Variants in RIPOR3 observed in about 807,000 individuals in gnomAD.
The protein encoded by RIPOR3 is RIPOR family member 3.
A neutral mutation model predicts 114.3 loss-of-function variants in RIPOR3; 95 were observed. That is an observed-to-expected ratio of 0.83 (90% CI 0.70 to 0.99). The LOEUF (loss-of-function observed/expected upper bound fraction) is 0.99, where lower values mean the gene tolerates loss of function less well. Among genes scored for constraint, RIPOR3 ranks in the 50% least tolerant of loss-of-function variants. The probability of loss-of-function intolerance (pLI) is 0.00; values close to 1 mark genes in which losing one functional copy is unlikely to be tolerated. For synonymous variants in RIPOR3, 575 were observed against 543.8 expected (o/e 1.06, Z -0.80); for missense variants, 1,252 against 1,266.9 (o/e 0.99, Z 0.18).
Position 50,597,599 on chromosome 20 carries a change from C to G in RIPOR3, c.1771G>C (p.Gly591Arg), listed in dbSNP as rs1568827679. The change falls in exon 14 of 22, where the codon GGG becomes CGG. Residue 591 changes from glycine (G) to arginine (R), a missense_variant. By Grantham distance (125) the Gly-to-Arg change is moderately radical. Coordinates refer to ENST00000327979, the MANE Select transcript of RIPOR3 (RefSeq NM_001290268.2). ...ACTCACCGGAGACCCTGGGAGCCCCCAAACAGGGACAGCTCATCCAGGGCG... is the reference window on the plus strand; with the variant it reads ...ACTCACCGGAGACCCTGGGAGCCCCGAAACAGGGACAGCTCATCCAGGGCG... ...DFALDELSLFGGSQGLRKDRP... is the reference protein window; with the variant it reads ...DFALDELSLFRGSQGLRKDRP... The G allele has an allele frequency of 6.2e-7, 1 of 1,608,384 alleles. No homozygotes were observed. Among genetic ancestry groups the G allele is most frequent in the Admixed American group, 1.7e-5 (1 of 59,324 alleles).
chr20:50,604,483 A>C (rs913654945), intron 12 of RIPOR3, among the ~76,000 whole-genome samples, 162 bp downstream of exon 12: 1 of 152,224 alleles, frequency 6.6e-6, no homozygotes, highest in Non-Finnish European at 1.5e-5. Flanking sequence ...GGCTGGCAGC[A>C]GAGGAAGAAA....
intron 1 of RIPOR3, among the ~76,000 whole-genome samples, chr20:50,636,401 T>C (rs2084987726): frequency 6.6e-6 from 1 of 152,148 alleles, no homozygotes; most frequent in Non-Finnish European, 1.5e-5. Flanking sequence ...ACCCTTTAGC[T>C]ACTGGATTGT....
intron 1 of RIPOR3, among the ~76,000 whole-genome samples, chr20:50,681,275 G>GAAAAAAAAAAAA (rs34596961): frequency 8.1e-5 from 11 of 135,122 alleles, no homozygotes; most frequent in African/African-American, 3.1e-4. Context: ...TAAGGCACTA[G>GAAAAAAAAAAAA]AAAAAAAAAA....
At chr20:50,664,833 G>A (rs2123475043) in intron 1 of RIPOR3, among the ~76,000 whole-genome samples, 1 of 152,320 alleles carries the variant, frequency 6.6e-6, no homozygotes, top group East Asian at 1.9e-4. Context: ...TGGGCACGGT[G>A]GCTCACACCT....
chr20:50,620,512 A>G (rs2084358471), intron 2 of RIPOR3, among the ~76,000 whole-genome samples: 1 of 152,076 alleles, frequency 6.6e-6, no homozygotes, highest in African/African-American at 2.4e-5. Flanking sequence ...CTGTAATCCC[A>G]CTTACTCCGG....
At chr20:50,607,097 A>T (rs2083750942) in intron 11 of RIPOR3, among the ~76,000 whole-genome samples, 1 of 152,066 alleles carries the variant, frequency 6.6e-6, no homozygotes, top group Admixed American at 6.6e-5. Flanking sequence ...CCTTTTCTGC[A>T]TTTTGTTCAA....
At chr20:50,650,848 T>G (rs1268692376) in intron 1 of RIPOR3, among the ~76,000 whole-genome samples, 2 of 152,180 alleles carry the variant, frequency 1.3e-5, no homozygotes, top group Non-Finnish European at 2.9e-5. Flanking sequence ...TCCACCCCTT[T>G]GATTGTGGGC....
Position 50,623,994 on chromosome 20 carries a change from G to A in RIPOR3, c.123-3862C>T, listed in dbSNP as rs527266664. On this transcript the variant is annotated intron_variant, in intron 2 of 21. Transcript: ENST00000327979. ...TGGGATTACAGGCATCTGCTACCAC[G>A]TCCAGTAATTTTTGTTTTTTTTAGT... Among the ~76,000 whole-genome samples the A allele has an allele frequency of 1.5e-3, 233 of 150,644 alleles. 1 individual carries two copies. The highest frequency in any genetic ancestry group is 1.8e-3 in the Non-Finnish European group (125 of 67,664).
chr20:50,646,668 G>C (rs2085410071), intron 1 of RIPOR3, among the ~76,000 whole-genome samples: 2 of 152,162 alleles, frequency 1.3e-5, no homozygotes, highest in Non-Finnish European at 2.9e-5. Context: ...CATTCCTGAT[G>C]CTCAGAGTGG....
chr20:50,620,309 G>C (rs1600594596), intron 2 of RIPOR3, among the ~76,000 whole-genome samples, 177 bp from the exon 3 acceptor site: 1 of 152,070 alleles, frequency 6.6e-6, no homozygotes, highest in South Asian at 2.1e-4. Flanking sequence ...AGCCTCTCTG[G>C]GTCTCTGCTT....
chr20:50,630,725 G>C lies in RIPOR3; in HGVS notation c.122+13C>G. 1 of 1,592,544 alleles carries C rather than the reference G, an allele frequency of 6.3e-7. No homozygotes were observed. Among genetic ancestry groups the C allele is most frequent in the Non-Finnish European group, 8.6e-7 (1 of 1,168,386 alleles). The stretch of plus-strand genomic sequence containing the variant: ...ACCCCTGCACCCCGAAACAGGACAC[G>C]GGGGGAACTTACGCGATCCTCCGGC... On this transcript the variant is annotated intron_variant, in intron 2 of 21. Transcript: ENST00000327979.
chr20:50,623,121 C>T (rs6091184), intron 2 of RIPOR3, among the ~76,000 whole-genome samples: 23,643 of 151,724 alleles, frequency 0.16, 3,597 homozygotes, highest in African/African-American at 0.4. Context: ...ATTAGCCAGG[C>T]GTGGTGGTGG....
At chr20:50,597,810 G>T in intron 13 of RIPOR3, 100 bp from the exon 14 acceptor site, 1 of 1,481,692 alleles carries the variant, frequency 6.7e-7, no homozygotes, top group Non-Finnish European at 9.0e-7. Context: ...CAATGTCCCG[G>T]TCCCAAGCCC....
chr20:50,640,573 C>A (rs1403513868), intron 1 of RIPOR3, among the ~76,000 whole-genome samples: 3 of 149,928 alleles, frequency 2.0e-5, no homozygotes, highest in Non-Finnish European at 4.4e-5. Context: ...CGGCCAACCA[C>A]TGGTCACTGG....
chr20:50,687,933 T>G (rs6067511), intron 1 of RIPOR3, among the ~76,000 whole-genome samples: 122,795 of 151,786 alleles, frequency 0.81, 50,668 homozygotes, highest in East Asian at 0.96. Flanking sequence ...TTGATGTAAA[T>G]GATGTGCAGC....
chr20:50,657,033 G>T lies in RIPOR3; in HGVS notation c.4-26177C>A, dbSNP rs182013152. On this transcript the variant is annotated intron_variant, in intron 1 of 21. Coordinates refer to ENST00000327979, the MANE Select transcript of RIPOR3 (RefSeq NM_001290268.2). ...TAGTATGATCACTTCCAAGAGCCTTGATATACCATACTTAGCACTGCAAGT... is the reference window on the plus strand; with the variant it reads ...TAGTATGATCACTTCCAAGAGCCTTTATATACCATACTTAGCACTGCAAGT... 1.1e-4 allele frequency among the ~76,000 whole-genome samples: 16 copies of T among 152,308 alleles called. No homozygotes were observed. In the East Asian group the frequency reaches 2.9e-3, roughly 28 times the overall value.
At chr20:50,601,058 C>T (rs980886440) in intron 13 of RIPOR3, among the ~76,000 whole-genome samples, 1 of 152,150 alleles carries the variant, frequency 6.6e-6, no homozygotes, top group African/African-American at 2.4e-5. Context: ...AGTGCACAGC[C>T]AGTCTGAGGG....
At chr20:50,666,590 C>T (rs910114214) in intron 1 of RIPOR3, among the ~76,000 whole-genome samples, 2 of 150,238 alleles carry the variant, frequency 1.3e-5, no homozygotes, top group Non-Finnish European at 3.0e-5. Flanking sequence ...TTTGAGACGG[C>T]GTCTCACTCT....
intron 1 of RIPOR3, among the ~76,000 whole-genome samples, chr20:50,647,461 AG>A (rs1259782075): frequency 4.0e-5 from 6 of 149,320 alleles, no homozygotes; most frequent in African/African-American, 1.2e-4. Context: ...GTTCAAGTCT[AG>A]CCTTTGCCTC....
Sources: allele counts gnomAD v4.1 joint callset (sites outside exome capture counted in the v4.1 genomes callset), GRCh38; gene constraint gnomAD v4.1.1; transcripts MANE v1.5; gene names NCBI Gene and HGNC (gene_info 2026-07-23, HGNC 2026-07-21).